BSDC1: variants seen among roughly 807,000 people sequenced by gnomAD.
The protein encoded by BSDC1 is BSD domain-containing protein 1.
BSDC1 carries 29 observed loss-of-function variants against 56.0 expected under a neutral mutation model. The observed-to-expected ratio is 0.52, with a 90% confidence interval of 0.39 to 0.71. The LOEUF (loss-of-function observed/expected upper bound fraction) is 0.71, where lower values mean the gene tolerates loss of function less well. Ranked by LOEUF, BSDC1 falls within the 30% of genes least tolerant of loss-of-function variation. BSDC1 has a pLI of 0.00. For missense variants in BSDC1, 477 were observed against 548.5 expected, an observed-to-expected ratio of 0.87 and a Z score of 1.30; for synonymous variants, 210 against 215.3, an observed-to-expected ratio of 0.98 and a Z score of 0.21.
chr1:32,386,647 A>G, intron 3 of BSDC1, 132 bp downstream of exon 3: 1 of 553,186 alleles, frequency 1.8e-6, no homozygotes, highest in Middle Eastern at 3.7e-4. Flanking sequence ...ATTCTTTCAA[A>G]ATGGGAGGAA....
chr1:32,384,153 G>A lies in BSDC1; in HGVS notation c.190-156C>T, dbSNP rs545809729. 74 of 984,914 alleles carry A rather than the reference G, an allele frequency of 7.5e-5. No individual in the cohort carries two copies. In the East Asian group the frequency reaches 1.1e-3, roughly 15 times the overall value. The allele number at this position is 984,914 out of a possible 1,614,324, so 61.0% of individuals were successfully genotyped here. On this transcript the variant is annotated intron_variant, in intron 3 of 10. Transcript: ENST00000455895. ...CGTCTCTGGGGCTGCAGGAGAGGGA[G>A]GAGGCAAGGGTCCTCCATCCCCCAA...
intron 5 of BSDC1, among the ~76,000 whole-genome samples, 191 bp from the exon 6 acceptor site, chr1:32,379,030 G>A (rs1429785161): frequency 6.6e-6 from 1 of 152,164 alleles, no homozygotes; most frequent in Non-Finnish European, 1.5e-5. Context: ...AGAAGGGGCT[G>A]CAGTCTCCAT....
chr1:32,367,509 CCTCTTT>C, intron 10 of BSDC1: 2 of 985,422 alleles, frequency 2.0e-6, no homozygotes, highest in Non-Finnish European at 1.2e-6. Context: ...AATCTGTCCA[CCTCTTT>C]CTAACAGGCT....
intron 9 of BSDC1, among the ~76,000 whole-genome samples, chr1:32,373,978 C>T (rs993138371): frequency 6.6e-6 from 1 of 152,114 alleles, no homozygotes; most frequent in Non-Finnish European, 1.5e-5. Context: ...ACAATCACAA[C>T]CTCAGTGGGC....
chr1:32,386,971 G>A, intron 2 of BSDC1, 76 bp from the exon 3 acceptor site: 1 of 1,111,752 alleles, frequency 9.0e-7, no homozygotes, highest in Non-Finnish European at 1.3e-6. Flanking sequence ...TGTTTCTTCA[G>A]TACCAGACAG....
intron 4 of BSDC1, among the ~76,000 whole-genome samples, chr1:32,383,033 A>G (rs1311754858): frequency 1.3e-5 from 2 of 152,154 alleles, no homozygotes; most frequent in Non-Finnish European, 2.9e-5. Flanking sequence ...GCCTCTAAAA[A>G]TGCTCTCCAC....
At chr1:32,369,532 G>A (rs967269669) in intron 9 of BSDC1, among the ~76,000 whole-genome samples, 4 of 151,864 alleles carry the variant, frequency 2.6e-5, no homozygotes, top group Non-Finnish European at 5.9e-5. Flanking sequence ...ACCTCCCCTC[G>A]GACCCCCAAA....
chr1:32,391,482 G>T (rs115406503), intron 2 of BSDC1, among the ~76,000 whole-genome samples: 23 of 152,312 alleles, frequency 1.5e-4, no homozygotes, highest in African/African-American at 5.1e-4. Context: ...AAGAGTATGT[G>T]GGCCCAGATG....
At chr1:32,371,239 G>A (rs1282520165) in intron 9 of BSDC1, among the ~76,000 whole-genome samples, 1 of 150,708 alleles carries the variant, frequency 6.6e-6, no homozygotes, top group Non-Finnish European at 1.5e-5. Context: ...ATCTCTAGGT[G>A]ATGAGTTCAT....
rs150855569 is a variant in BSDC1 at position 32,367,865 on chromosome 1, C to T, written c.1260+582G>A. The T allele has an allele frequency of 6.0e-6, 6 of 1,001,804 alleles. No homozygotes were observed. The African/African-American group carries it at 1.0e-4, about 17-fold the overall frequency. The allele number at this position is 1,001,804 out of a possible 1,614,324, so 62.1% of individuals were successfully genotyped here. ...GCTTATAGCCAGGTCTTATAATGATCAATTCCATGTTTTAGATGAGGAACC... is the reference window on the plus strand; with the variant it reads ...GCTTATAGCCAGGTCTTATAATGATTAATTCCATGTTTTAGATGAGGAACC... On this transcript the variant is annotated intron_variant, in intron 10 of 10. Coordinates refer to ENST00000455895, the MANE Select transcript of BSDC1 (RefSeq NM_018045.8).
intron 2 of BSDC1, among the ~76,000 whole-genome samples, chr1:32,388,548 TTGTC>T (rs1477197755): frequency 6.6e-6 from 1 of 152,172 alleles, no homozygotes; most frequent in Non-Finnish European, 1.5e-5. Flanking sequence ...AGTGGGTGCT[TTGTC>T]TGTCAGGGCA....
At position 32,388,359 on chromosome 1, in the gene BSDC1, ACTTTT is replaced by A. The variant is rs1642744506; in HGVS notation, c.73-1469_73-1465del. On this transcript the variant is annotated intron_variant, in intron 2 of 10. Coordinates refer to ENST00000455895, the MANE Select transcript of BSDC1 (RefSeq NM_018045.8). ...GGTGGAGGAGGTCATTTACTTATTT[ACTTTT>A]ATTAAAATTTTAAAAAATATTTCAC... Among the ~76,000 whole-genome samples, 5 of 152,168 alleles carry A rather than the reference ACTTTT, an allele frequency of 3.3e-5. No individual in the cohort carries two copies. In the South Asian group the frequency reaches 1.0e-3, roughly 32 times the overall value.
At position 32,366,397 on chromosome 1, in the gene BSDC1, C is replaced by G. The variant is rs1273068868; in HGVS notation, c.*225G>C. 8 of 700,024 alleles carry G rather than the reference C, an allele frequency of 1.1e-5. No homozygotes were observed. The highest frequency in any genetic ancestry group is 2.1e-5 in the Non-Finnish European group (8 of 383,184). 43.4% of individuals were successfully genotyped at this position (700,024 alleles called of 1,614,324 possible). A position where few individuals can be genotyped will look rare whatever the true frequency, so the allele number is the denominator to read the frequency against. ...TAGGTTTCCTCTCCCTTGGGTCATCCTATTGTTGGCACAAGTCAGAGTTTC... is the reference window on the plus strand; with the variant it reads ...TAGGTTTCCTCTCCCTTGGGTCATCGTATTGTTGGCACAAGTCAGAGTTTC... On this transcript the variant is annotated 3_prime_UTR_variant, in exon 11 of 11. Coordinates refer to ENST00000455895, the MANE Select transcript of BSDC1 (RefSeq NM_018045.8).
At position 32,368,436 on chromosome 1, in the gene BSDC1, G is replaced by C; in HGVS notation, c.1260+11C>G. 6.2e-7 allele frequency: 1 copy of C among 1,614,110 alleles called. No individual in the cohort carries two copies. The highest frequency in any genetic ancestry group is 8.5e-7 in the Non-Finnish European group (1 of 1,180,014). ...AGGCTCGCTTCCCTCTGACCCACCAGGCCCACTCACCTCCCCGGAGGCATC... is the reference window on the plus strand; with the variant it reads ...AGGCTCGCTTCCCTCTGACCCACCACGCCCACTCACCTCCCCGGAGGCATC... On this transcript the variant is annotated intron_variant, in intron 10 of 10. Coordinates refer to ENST00000455895, the MANE Select transcript of BSDC1 (RefSeq NM_018045.8).
intron 4 of BSDC1, 100 bp downstream of exon 4, chr1:32,383,730 T>G: frequency 1.0e-6 from 1 of 968,062 alleles, no homozygotes; most frequent in Non-Finnish European, 1.6e-6. Flanking sequence ...CCATATTTAT[T>G]TTTTGGCCTG....
chr1:32,394,429 A>C lies in BSDC1; in HGVS notation c.-15T>G, dbSNP rs531184005. 1 of 1,614,052 alleles carries C rather than the reference A, an allele frequency of 6.2e-7. No homozygotes were observed. Among genetic ancestry groups the C allele is most frequent in the East Asian group, 2.2e-5 (1 of 44,864 alleles). ...CCTTCCGCCATCTTGCCTGCATGAC[A>C]TCACCACTATTTACTGACCTTTGAC... On this transcript the variant is annotated 5_prime_UTR_variant, in exon 1 of 11. The change abolishes an upstream ATG in the 5' untranslated region. Transcript: ENST00000455895.
intron 3 of BSDC1, among the ~76,000 whole-genome samples, chr1:32,385,705 C>G (rs753509949): frequency 1.7e-4 from 26 of 152,074 alleles, no homozygotes; most frequent in Non-Finnish European, 3.2e-4. Flanking sequence ...CCAGCCTGGG[C>G]AAGAGAGAGA....
chr1:32,368,183 T>C, intron 10 of BSDC1: 1 of 1,436,474 alleles, frequency 7.0e-7, no homozygotes, highest in Non-Finnish European at 9.1e-7. Context: ...GACATCTGTT[T>C]TCTTAAGCAG....
At position 32,378,337 on chromosome 1, in the gene BSDC1, G is replaced by C; in HGVS notation, c.529-54C>G. The stretch of plus-strand genomic sequence containing the variant: ...CTTTGGGAGTGTTTGTGTGGGGTCT[G>C]TGTCCCCAGCCTTATCAGTCTATTC... On this transcript the variant is annotated intron_variant, in intron 6 of 10. Coordinates refer to ENST00000455895, the MANE Select transcript of BSDC1 (RefSeq NM_018045.8). This position sits in a 1 kb window ranked among gnomAD's most constrained non-coding sequence, Gnocchi z 5.2. 1.3e-6 allele frequency: 2 copies of C among 1,526,666 alleles called. No homozygotes were observed. The highest frequency in any genetic ancestry group is 1.8e-6 in the Non-Finnish European group (2 of 1,101,418). 94.6% of individuals were successfully genotyped at this position (1,526,666 alleles called of 1,614,324 possible).
Sources: allele counts gnomAD v4.1 joint callset (sites outside exome capture counted in the v4.1 genomes callset), GRCh38; gene constraint gnomAD v4.1.1; non-coding constraint Gnocchi (gnomAD v3.1); transcripts MANE v1.5; gene names NCBI Gene and HGNC (gene_info 2026-07-23, HGNC 2026-07-21).